The following ROBO1 variants were observed in gnomAD, a reference collection of about 807,000 sequenced individuals.
ROBO1 encodes roundabout guidance receptor 1, also known as roundabout homolog 1.
Under a neutral mutation model 195.9 loss-of-function variants are expected in ROBO1, and 149 were observed. The ratio of observed to expected loss-of-function variants is 0.76; its 90% confidence interval spans 0.67 to 0.87. The LOEUF (loss-of-function observed/expected upper bound fraction) is 0.87. ROBO1 is among the 40% of genes least tolerant of loss of function. ROBO1 has a pLI of 0.00. For missense variants in ROBO1, 1,933 were observed against 2,068.3 expected (o/e 0.93, Z 1.27); for synonymous variants, 816 against 733.2 (o/e 1.11, Z -1.82).
intron 3 of ROBO1, among the ~76,000 whole-genome samples, chr3:79,085,788 T>A (rs992661162): frequency 2.0e-5 from 3 of 152,118 alleles, no homozygotes; most frequent in African/African-American, 7.2e-5. Flanking sequence ...GCTAAGGAAG[T>A]GTGTTTAAAG....
intron 1 of ROBO1, among the ~76,000 whole-genome samples, chr3:79,651,693 C>A (rs1445029291): frequency 6.6e-6 from 1 of 152,112 alleles, no homozygotes; most frequent in Non-Finnish European, 1.5e-5. Flanking sequence ...CTGAAGCGTT[C>A]ATGGGTGAAA....
intron 2 of ROBO1, among the ~76,000 whole-genome samples, chr3:79,150,072 A>C (rs2080736538): frequency 6.6e-6 from 1 of 151,718 alleles, no homozygotes; most frequent in African/African-American, 2.4e-5. Context: ...CTGAGCCTCC[A>C]GTAATTTGTC....
chr3:79,393,180 G>T (rs566242506), intron 2 of ROBO1, among the ~76,000 whole-genome samples: 1 of 152,276 alleles, frequency 6.6e-6, no homozygotes, highest in African/African-American at 2.4e-5. Context: ...CAATGCCATT[G>T]AGCCTACTTG....
intron 2 of ROBO1, among the ~76,000 whole-genome samples, chr3:79,430,949 A>G (rs1223838013): frequency 6.6e-6 from 1 of 152,120 alleles, no homozygotes; most frequent in Admixed American, 6.6e-5. Context: ...ATTTGGAAGT[A>G]TAAGTATTTG....
chr3:79,550,215 A>AGAAAAG (rs1559984579), intron 2 of ROBO1, among the ~76,000 whole-genome samples: 1 of 134,062 alleles, frequency 7.5e-6, no homozygotes, highest in African/African-American at 2.9e-5. Flanking sequence ...AGAAAAGAAA[A>AGAAAAG]GAAAAGAAAA....
chr3:79,204,552 A>G (rs2081830993), intron 2 of ROBO1, among the ~76,000 whole-genome samples: 1 of 152,088 alleles, frequency 6.6e-6, no homozygotes, highest in Non-Finnish European at 1.5e-5. Flanking sequence ...GATTTTTCCG[A>G]GACATGCTTT....
At chr3:79,186,975 T>C (rs2081451362) in intron 2 of ROBO1, among the ~76,000 whole-genome samples, 1 of 152,114 alleles carries the variant, frequency 6.6e-6, no homozygotes, top group African/African-American at 2.4e-5. Flanking sequence ...TTCTGACATA[T>C]GTGTAAAATG....
chr3:79,056,187 A>G (rs900228729), intron 3 of ROBO1, among the ~76,000 whole-genome samples: 2 of 152,128 alleles, frequency 1.3e-5, no homozygotes, highest in Non-Finnish European at 2.9e-5. Flanking sequence ...TTACTGTACC[A>G]TCTATCAATA....
chr3:79,690,334 G>A (rs1947262994), intron 1 of ROBO1, among the ~76,000 whole-genome samples: 1 of 152,016 alleles, frequency 6.6e-6, no homozygotes, highest in Non-Finnish European at 1.5e-5. Flanking sequence ...TGTGGTTAGA[G>A]AGAGATGTGA....
intron 4 of ROBO1, among the ~76,000 whole-genome samples, chr3:78,845,548 A>G (rs1303332518): frequency 6.6e-6 from 1 of 152,168 alleles, no homozygotes; most frequent in Non-Finnish European, 1.5e-5. Flanking sequence ...TGAAAAGAAA[A>G]ATATTTACTG....
chr3:79,665,747 A>G (rs1486938499), intron 1 of ROBO1, among the ~76,000 whole-genome samples: 1 of 151,972 alleles, frequency 6.6e-6, no homozygotes, highest in Admixed American at 6.6e-5. Context: ...GAAAGTAGAC[A>G]GTGATTAAAG....
At chr3:79,186,653 C>A (rs1267463007) in intron 2 of ROBO1, among the ~76,000 whole-genome samples, 1 of 152,036 alleles carries the variant, frequency 6.6e-6, no homozygotes, top group Non-Finnish European at 1.5e-5. Context: ...TGAGGTATGA[C>A]CATGTGGTTC....
At chr3:79,080,517 A>G (rs1276852834) in intron 3 of ROBO1, among the ~76,000 whole-genome samples, 2 of 152,080 alleles carry the variant, frequency 1.3e-5, no homozygotes, top group South Asian at 2.1e-4. Flanking sequence ...GTTTCTCAAT[A>G]TTTAAAATCC....
intron 9 of ROBO1, among the ~76,000 whole-genome samples, chr3:78,686,650 A>G (rs2081059521): frequency 6.6e-6 from 1 of 152,164 alleles, no homozygotes; most frequent in Non-Finnish European, 1.5e-5. Context: ...GTATGTGACT[A>G]CTAGGATTAT....
intron 2 of ROBO1, among the ~76,000 whole-genome samples, chr3:79,375,623 A>G (rs2036354302): frequency 6.6e-6 from 1 of 152,216 alleles, no homozygotes; most frequent in African/African-American, 2.4e-5. Flanking sequence ...ATGGCCAGGA[A>G]AGAAGTTTCC....
intron 30 of ROBO1, among the ~76,000 whole-genome samples, chr3:78,599,180 GCGGGAAGGAA>G (rs1374972399): frequency 6.6e-6 from 1 of 152,138 alleles, no homozygotes; most frequent in Non-Finnish European, 1.5e-5. Flanking sequence ...GCTCTGAGAA[GCGGGAAGGAA>G]TGTGTTGAGT....
At chr3:79,310,213 G>T (rs961969647) in intron 2 of ROBO1, among the ~76,000 whole-genome samples, 1 of 152,138 alleles carries the variant, frequency 6.6e-6, no homozygotes, top group African/African-American at 2.4e-5. Context: ...GTCTTAATTA[G>T]ATCTGATTAG....
chr3:78,727,965 A>G (rs2082203164), intron 5 of ROBO1, among the ~76,000 whole-genome samples: 1 of 152,106 alleles, frequency 6.6e-6, no homozygotes, highest in Non-Finnish European at 1.5e-5. Context: ...CTATGTATTT[A>G]TGACAAAATG....
At chr3:78,730,038 A>C (rs1211542652) in intron 5 of ROBO1, among the ~76,000 whole-genome samples, 1 of 152,204 alleles carries the variant, frequency 6.6e-6, no homozygotes, top group Non-Finnish European at 1.5e-5. Context: ...GTCACAGCTA[A>C]GACAGCCTGA....
Sources: allele counts gnomAD v4.1 joint callset (sites outside exome capture counted in the v4.1 genomes callset), GRCh38; gene constraint gnomAD v4.1.1; transcripts MANE v1.5; gene names NCBI Gene and HGNC (gene_info 2026-07-23, HGNC 2026-07-21).